The following ESRRB variants were observed in gnomAD, a reference collection of about 807,000 sequenced individuals.
The protein encoded by ESRRB is estrogen related receptor beta.
Under a neutral mutation model 46.0 loss-of-function variants are expected in ESRRB, and 16 were observed. That is an observed-to-expected ratio of 0.35 (90% CI 0.24 to 0.53). The LOEUF (loss-of-function observed/expected upper bound fraction) is 0.53, where lower values mean the gene tolerates loss of function less well. ESRRB is among the 20% of genes least tolerant of loss of function. ESRRB has a pLI of 0.93. For synonymous variants in ESRRB, 246 were observed against 259.6 expected, an observed-to-expected ratio of 0.95 and a Z score of 0.50; for missense variants, 488 against 607.4, an observed-to-expected ratio of 0.80 and a Z score of 2.07.
intron 1 of ESRRB, among the ~76,000 whole-genome samples, chr14:76,387,348 C>T (rs984984264): frequency 6.6e-6 from 1 of 152,210 alleles, no homozygotes; most frequent in African/African-American, 2.4e-5. Flanking sequence ...GCTCTAGAGC[C>T]CCCTACAGGC....
intron 3 of ESRRB, among the ~76,000 whole-genome samples, chr14:76,465,982 T>C (rs1889092731): frequency 6.6e-6 from 1 of 152,176 alleles, no homozygotes; most frequent in Admixed American, 6.5e-5. Context: ...CCCTGCCAGG[T>C]GGGGGCTCTT....
intron 1 of ESRRB, among the ~76,000 whole-genome samples, chr14:76,409,555 A>G (rs1886343447): frequency 1.4e-5 from 2 of 138,116 alleles, no homozygotes; most frequent in Non-Finnish European, 3.0e-5. Flanking sequence ...CCATTAGTGT[A>G]TATCTGCAGA....
At chr14:76,474,504 A>C (rs1394002553) in intron 3 of ESRRB, among the ~76,000 whole-genome samples, 1 of 152,192 alleles carries the variant, frequency 6.6e-6, no homozygotes, top group Non-Finnish European at 1.5e-5. Context: ...GCATTTTAGA[A>C]ATTAAGTGTA....
chr14:76,373,439 C>T (rs1480815398), upstream of ESRRB, among the ~76,000 whole-genome samples: 2 of 152,146 alleles, frequency 1.3e-5, no homozygotes, highest in Non-Finnish European at 2.9e-5. Context: ...CTGTCCCATA[C>T]TGCTGCCTCT....
intron 3 of ESRRB, among the ~76,000 whole-genome samples, chr14:76,465,698 C>G (rs1291254999): frequency 6.6e-6 from 1 of 152,186 alleles, no homozygotes; most frequent in Non-Finnish European, 1.5e-5. Flanking sequence ...TGGGGCCTCC[C>G]AGGCAGACAT....
intron 3 of ESRRB, among the ~76,000 whole-genome samples, chr14:76,463,044 C>T (rs79557208): frequency 2.0e-5 from 3 of 152,286 alleles, no homozygotes; most frequent in East Asian, 1.9e-4. Flanking sequence ...ACATTAAGTC[C>T]GGGAATGATA....
At chr14:76,373,346 CT>C (rs1047078718), upstream of ESRRB, among the ~76,000 whole-genome samples, 4 of 152,030 alleles carry the variant, frequency 2.6e-5, no homozygotes, top group African/African-American at 9.7e-5. Context: ...CACTCCACCC[CT>C]GTACAGCCTC....
chr14:76,487,094 G>T lies in ESRRB; in HGVS notation c.850+4335G>T, dbSNP rs370700787. 5.3e-4 allele frequency among the ~76,000 whole-genome samples: 80 copies of T among 152,288 alleles called. 2 individuals carry two copies. The South Asian group carries it at 0.016, about 31-fold the overall frequency. On this transcript the variant is annotated intron_variant, in intron 5 of 6. Transcript: ENST00000644823. The stretch of plus-strand genomic sequence containing the variant: ...GGCAGATACAACCACTGTGTGAGGT[G>T]TGTGTGTGGGTGGGGGTTGTGTATG...
chr14:76,311,068 C>T (rs561896418), intron 1 of ESRRB, among the ~76,000 whole-genome samples: 1 of 149,516 alleles, frequency 6.7e-6, no homozygotes, highest in South Asian at 2.1e-4. Context: ...CCTGGTTTTC[C>T]GCACTCTAAA....
intron 1 of ESRRB, among the ~76,000 whole-genome samples, chr14:76,392,476 A>G (rs571621388): frequency 5.9e-5 from 9 of 152,216 alleles, no homozygotes; most frequent in Non-Finnish European, 1.0e-4. Flanking sequence ...GTGACTGCCC[A>G]AGGTGGCGCA....
At chr14:76,319,938 A>T (rs11159193) in intron 1 of ESRRB, among the ~76,000 whole-genome samples, 70,844 of 151,970 alleles carry the variant, frequency 0.47, 18,231 homozygotes, top group Middle Eastern at 0.65. Context: ...AAAACTTGCA[A>T]TATATGCCAT....
At chr14:76,356,415 T>C (rs1192332076) in intron 1 of ESRRB, among the ~76,000 whole-genome samples, 4 of 152,228 alleles carry the variant, frequency 2.6e-5, no homozygotes, top group Admixed American at 6.5e-5. Context: ...ATAAGGAGAC[T>C]GCGACAGAGA....
In ESRRB at chr14:76,393,999, A is replaced by G. The variant is rs1436461834; in HGVS notation, c.50+17548A>G. On this transcript the variant is annotated intron_variant, in intron 1 of 6. Coordinates refer to ENST00000644823, the MANE Select transcript of ESRRB (RefSeq NM_001379180.1). ...TTTTTTTTTTTTTTGTATTTTTAGT[A>G]GAGTTTCACCACACTGGCCAGGCTG... Among the ~76,000 whole-genome samples, 3 of 102,834 alleles carry G rather than the reference A, an allele frequency of 2.9e-5. 1 individual carries two copies. The highest frequency in any genetic ancestry group is 6.7e-5 in the African/African-American group (2 of 29,688). 67.5% of individuals were successfully genotyped at this position (102,834 alleles called of 152,430 possible). A position where few individuals can be genotyped will look rare whatever the true frequency, so the allele number is the denominator to read the frequency against.
chr14:76,463,857 T>C (rs1382983871), intron 3 of ESRRB, among the ~76,000 whole-genome samples: 1 of 152,122 alleles, frequency 6.6e-6, no homozygotes, highest in Non-Finnish European at 1.5e-5. Flanking sequence ...ACTGATTTGC[T>C]CCTTTTTTTA....
intron 1 of ESRRB, among the ~76,000 whole-genome samples, chr14:76,418,725 C>T (rs974365148): frequency 1.1e-4 from 16 of 152,244 alleles, no homozygotes; most frequent in Admixed American, 6.5e-4. Context: ...AAGTGATTCT[C>T]GTGCCTCAGC....
intron 1 of ESRRB, among the ~76,000 whole-genome samples, chr14:76,434,640 A>G (rs1355970741): frequency 3.3e-5 from 5 of 150,806 alleles, no homozygotes; most frequent in Non-Finnish European, 4.4e-5. Flanking sequence ...AGCCTGGGCG[A>G]CAGAGCCAGA....
At chr14:76,322,827 G>A (rs1336811699) in intron 1 of ESRRB, among the ~76,000 whole-genome samples, 4 of 152,240 alleles carry the variant, frequency 2.6e-5, no homozygotes, top group East Asian at 1.9e-4. Context: ...TTATCTCCAC[G>A]CAATCCGCCC....
upstream of ESRRB, among the ~76,000 whole-genome samples, chr14:76,370,699 G>C (rs888716010): frequency 4.6e-5 from 7 of 152,084 alleles, no homozygotes; most frequent in African/African-American, 1.4e-4. Context: ...TTTGGCAAGG[G>C]ATAAAGCTAT....
chr14:76,375,901 C>T (rs375933444), upstream of ESRRB, among the ~76,000 whole-genome samples: 1 of 147,210 alleles, frequency 6.8e-6, no homozygotes. Context: ...CCCCCACCCC[C>T]CTTTAACTGC....
Sources: allele counts gnomAD v4.1 joint callset (sites outside exome capture counted in the v4.1 genomes callset), GRCh38; gene constraint gnomAD v4.1.1; transcripts MANE v1.5; gene names NCBI Gene and HGNC (gene_info 2026-07-23, HGNC 2026-07-21).